The following PDE4C variants were observed in gnomAD, a reference collection of about 807,000 sequenced individuals.
PDE4C encodes the protein phosphodiesterase 4C.
PDE4C carries 50 observed loss-of-function variants against 63.9 expected under a neutral mutation model. The observed-to-expected ratio is 0.78, with a 90% CI of 0.62 to 0.99. The LOEUF (loss-of-function observed/expected upper bound fraction) is 0.99, where lower values mean the gene tolerates loss of function less well. PDE4C is among the 50% of genes least tolerant of loss of function. PDE4C has a pLI of 0.00. For synonymous variants in PDE4C, 377 were observed against 385.1 expected, an observed-to-expected ratio of 0.98 and a Z score of 0.25; for missense variants, 777 against 899.1, an observed-to-expected ratio of 0.86 and a Z score of 1.74.
upstream of PDE4C, among the ~76,000 whole-genome samples, chr19:18,252,801 T>A (rs1015747695): frequency 4.6e-5 from 7 of 152,058 alleles, no homozygotes; most frequent in Non-Finnish European, 1.0e-4. Context: ...CATTTTTAGT[T>A]TCACTGTGCT....
At chr19:18,216,048 C>G (rs1968181001) in intron 12 of PDE4C, among the ~76,000 whole-genome samples, 1 of 151,756 alleles carries the variant, frequency 6.6e-6, no homozygotes, top group Non-Finnish European at 1.5e-5. Flanking sequence ...TCAAGCTGGT[C>G]TCGAACTCTT....
At position 18,210,740 on chromosome 19, in the gene PDE4C, A is replaced by G; in HGVS notation, c.*189T>C. 3 of 955,642 alleles carry G rather than the reference A, an allele frequency of 3.1e-6. No individual in the cohort carries two copies. The Middle Eastern group carries it at 1.0e-3, about 327-fold the overall frequency. 59.2% of individuals were successfully genotyped at this position (955,642 alleles called of 1,614,324 possible). A position where few individuals can be genotyped will look rare whatever the true frequency, so the allele number is the denominator to read the frequency against. Reference sequence around the variant, plus strand: ...AGCTCTTTTAGGCAAGTCTAGGGTCAGAGTGGACCCCAGCCAGGTGCCTCC... The same window carrying G: ...AGCTCTTTTAGGCAAGTCTAGGGTCGGAGTGGACCCCAGCCAGGTGCCTCC... On this transcript the variant is annotated 3_prime_UTR_variant, in exon 15 of 15. Transcript: ENST00000262805.
At position 18,216,933 on chromosome 19, in the gene PDE4C, C is replaced by A. The variant is rs375529588; in HGVS notation, c.1235-38G>T. 3.3e-4 allele frequency: 514 copies of A among 1,558,436 alleles called. 5 individuals carry two copies. In the South Asian group the frequency reaches 4.9e-3, roughly 15 times the overall value. On this transcript the variant is annotated intron_variant, in intron 11 of 14. Coordinates refer to ENST00000262805, the Ensembl canonical transcript of PDE4C. ...GGGACTGAGAGCCCCAAGATCCACC[C>A]GCCCCACCCACTCTACCCAAAAGCA...
upstream of PDE4C, chr19:18,233,779 C>T (rs1968901416): frequency 2.2e-5 from 7 of 321,404 alleles, no homozygotes; most frequent in South Asian, 1.7e-4. Flanking sequence ...AGGGCGTCAT[C>T]CGCCCAGGAG....
chr19:18,238,518 G>A (rs988026886), upstream of PDE4C, among the ~76,000 whole-genome samples: 1 of 151,770 alleles, frequency 6.6e-6, no homozygotes, highest in African/African-American at 2.4e-5. Context: ...AATTACAGGT[G>A]TGAGCCACTG....
chr19:18,232,819 T>G, intron 1 of PDE4C: 1 of 1,119,714 alleles, frequency 8.9e-7, no homozygotes, highest in Non-Finnish European at 1.2e-6. Context: ...AGCTTTTTCC[T>G]TCCAGGCGCC....
chr19:18,211,396 C>T, intron 14 of PDE4C, 120 bp from the exon 15 acceptor site: 1 of 816,924 alleles, frequency 1.2e-6, no homozygotes, highest in South Asian at 1.9e-5. Context: ...TTCCCAACAA[C>T]TGCTCATCCT....
At chr19:18,223,114 C>T (rs1221972131) in intron 1 of PDE4C, among the ~76,000 whole-genome samples, 1 of 152,060 alleles carries the variant, frequency 6.6e-6, no homozygotes, top group African/African-American at 2.4e-5. Context: ...ACGATCTCGG[C>T]TCACTGCAAC....
chr19:18,233,373 C>G, exon 1 of PDE4C: 1 of 796,410 alleles, frequency 1.3e-6, no homozygotes, highest in South Asian at 1.5e-5. Context: ...GGGGCCGACA[C>G]CGAGGAGCTG....
At chr19:18,213,342 G>C in intron 13 of PDE4C, 26 bp downstream of exon 13, 2 of 1,566,748 alleles carry the variant, frequency 1.3e-6, no homozygotes, top group Non-Finnish European at 1.7e-6. Flanking sequence ...TAAAAAGGAA[G>C]CCCCAGTGCC....
chr19:18,241,328 G>A (rs1268789387), intron 1 of PDE4C, among the ~76,000 whole-genome samples: 20 of 137,464 alleles, frequency 1.5e-4, no homozygotes, highest in African/African-American at 5.1e-4. Flanking sequence ...GTGCAGTGGC[G>A]CGATCTCGGC....
At chr19:18,218,197 G>A (rs200589596) in exon 11 of PDE4C, 1 of 1,614,212 alleles carries the variant, frequency 6.2e-7, no homozygotes, top group East Asian at 2.2e-5. Flanking sequence ...TCCACGTCGT[G>A]GATGGCGCTT....
chr19:18,216,712 T>C, intron 12 of PDE4C, 29 bp downstream of exon 12: 8 of 1,119,878 alleles, frequency 7.1e-6, no homozygotes, highest in East Asian at 3.9e-5. Flanking sequence ...CCTCTGCCCC[T>C]CCCGCCCCGC....
chr19:18,213,551 C>T, intron 12 of PDE4C, 61 bp from the exon 13 acceptor site: 3 of 1,547,678 alleles, frequency 1.9e-6, no homozygotes, highest in Non-Finnish European at 1.8e-6. Flanking sequence ...ACCCTCACTC[C>T]CAACTCCCAG....
At chr19:18,248,001 G>A (rs1969160461) in intron 1 of PDE4C, among the ~76,000 whole-genome samples, 1 of 152,138 alleles carries the variant, frequency 6.6e-6, no homozygotes, top group East Asian at 1.9e-4. Flanking sequence ...GGGGGCATCA[G>A]GACTGGCGAA....
upstream of PDE4C, chr19:18,248,259 A>G (rs10402117): frequency 0.014 from 6,419 of 455,562 alleles, 348 homozygotes; most frequent in African/African-American, 0.12. Flanking sequence ...AGGGAGGCCC[A>G]GGGCTCCCTC....
chr19:18,232,852 C>T (rs1379337060), intron 1 of PDE4C: 41 of 1,313,996 alleles, frequency 3.1e-5, no homozygotes, highest in Non-Finnish European at 3.8e-5. Flanking sequence ...GCAGCAGAGA[C>T]CCCCGCCCCC....
chr19:18,226,606 T>C (rs1968738995), upstream of PDE4C: 1 of 44,710 alleles, frequency 2.2e-5, no homozygotes, highest in Non-Finnish European at 5.5e-5. Flanking sequence ...TCTCTGCTCC[T>C]TTTTTTTTTT....
chr19:18,216,668 C>T, intron 12 of PDE4C, 73 bp downstream of exon 12: 1 of 1,441,498 alleles, frequency 6.9e-7, no homozygotes, highest in Non-Finnish European at 9.4e-7. Context: ...TCACCCCACC[C>T]TGCTGTCTGC....
Sources: allele counts gnomAD v4.1 joint callset (sites outside exome capture counted in the v4.1 genomes callset), GRCh38; gene constraint gnomAD v4.1.1; transcripts MANE v1.5; gene names NCBI Gene and HGNC (gene_info 2026-07-23, HGNC 2026-07-21).